RELN: variants seen among roughly 807,000 people sequenced by gnomAD.
The protein encoded by RELN is reelin.
In RELN, 108 loss-of-function variants were observed where a neutral mutation model predicts 427.6. The observed-to-expected ratio is 0.25, with a 90% CI of 0.22 to 0.30. The LOEUF (loss-of-function observed/expected upper bound fraction) is 0.30, where lower values mean the gene tolerates loss of function less well. RELN is among the 10% of genes least tolerant of loss of function. RELN has a pLI of 1.00. For missense variants in RELN, 3,715 were observed against 4,302.8 expected (o/e 0.86, Z 3.82); for synonymous variants, 1,524 against 1,513.4 (o/e 1.01, Z -0.16).
intron 2 of RELN, among the ~76,000 whole-genome samples, chr7:103,902,766 A>G (rs12113457): frequency 0.011 from 1,720 of 152,192 alleles, 40 homozygotes; most frequent in African/African-American, 0.039. Flanking sequence ...ACAGAAGACA[A>G]AAGTGGAAAC....
In RELN at chr7:103,640,720, G is replaced by A; in HGVS notation, c.2003-111C>T. On this transcript the variant is annotated intron_variant, in intron 16 of 64. Transcript: ENST00000428762. The surrounding 1 kb of genome is among the most constrained non-coding windows in gnomAD (Gnocchi z 4.1). ...CCCCTTGTGTGTATGTTGTGTGCAG[G>A]AACCCAGGGTGACATATGGAATGCT... The A allele has an allele frequency of 9.3e-7, 1 of 1,069,950 alleles. No individual in the cohort carries two copies. Among genetic ancestry groups the A allele is most frequent in the South Asian group, 1.3e-5 (1 of 75,004 alleles). The allele number at this position is 1,069,950 out of a possible 1,614,324, so 66.3% of individuals were successfully genotyped here. A position where few individuals can be genotyped will look rare whatever the true frequency, so the allele number is the denominator to read the frequency against.
At chr7:103,682,981 GATAGTAA>G (rs774924333) in intron 10 of RELN, among the ~76,000 whole-genome samples, 54 of 152,124 alleles carry the variant, frequency 3.5e-4, no homozygotes, top group Admixed American at 1.2e-3. Context: ...AAACTTTGGA[GATAGTAA>G]ATGTTAGTTA....
chr7:103,630,349 C>A (rs1832425134), intron 19 of RELN, among the ~76,000 whole-genome samples, 173 bp from the exon 20 acceptor site: 1 of 152,138 alleles, frequency 6.6e-6, no homozygotes, highest in Admixed American at 6.5e-5. Context: ...CAGTCTTCCA[C>A]ACACACCCCA....
At chr7:103,837,060 A>G (rs1230615802) in intron 2 of RELN, among the ~76,000 whole-genome samples, 2 of 152,100 alleles carry the variant, frequency 1.3e-5, no homozygotes, top group African/African-American at 4.8e-5. Context: ...TTTTATTTTC[A>G]CATTGACATC....
chr7:103,890,198 CTT>C (rs5886284), intron 2 of RELN, among the ~76,000 whole-genome samples: 3,941 of 148,500 alleles, frequency 0.027, 156 homozygotes, highest in African/African-American at 0.09. Context: ...GCACTCTGAA[CTT>C]TTTTTTTTTT....
chr7:103,602,424 A>G (rs1831693137), intron 24 of RELN, among the ~76,000 whole-genome samples: 1 of 152,228 alleles, frequency 6.6e-6, no homozygotes, highest in Non-Finnish European at 1.5e-5. Flanking sequence ...AAGACTTGGA[A>G]CCAATCCAAA....
intron 20 of RELN, among the ~76,000 whole-genome samples, chr7:103,628,673 C>T (rs115607351): frequency 6.6e-6 from 1 of 152,182 alleles, no homozygotes; most frequent in Non-Finnish European, 1.5e-5. Context: ...TTATGATATG[C>T]TCTCTGGAGG....
chr7:103,895,514 G>A (rs927571478), intron 2 of RELN, among the ~76,000 whole-genome samples: 2 of 152,062 alleles, frequency 1.3e-5, no homozygotes, highest in Non-Finnish European at 2.9e-5. Context: ...AGCAATTTCA[G>A]TCATTTATAA....
intron 28 of RELN, among the ~76,000 whole-genome samples, chr7:103,581,204 G>T (rs886158308): frequency 6.6e-6 from 1 of 152,144 alleles, no homozygotes; most frequent in Non-Finnish European, 1.5e-5. Context: ...TCTTGTCCTG[G>T]ACATCGTTCT....
chr7:103,519,788 T>C (rs1726394682), intron 48 of RELN, among the ~76,000 whole-genome samples: 1 of 152,140 alleles, frequency 6.6e-6, no homozygotes, highest in Non-Finnish European at 1.5e-5. Flanking sequence ...TTGTCCAGGC[T>C]GGTCTTAACT....
chr7:103,948,342 T>C (rs778537028), intron 1 of RELN, among the ~76,000 whole-genome samples: 14 of 152,176 alleles, frequency 9.2e-5, no homozygotes, highest in Non-Finnish European at 1.9e-4. Flanking sequence ...ATGTCTATTT[T>C]TTTAATTTCC....
At chr7:103,891,691 T>C (rs62482325) in intron 2 of RELN, among the ~76,000 whole-genome samples, 17,492 of 152,190 alleles carry the variant, frequency 0.11, 1,451 homozygotes, top group East Asian at 0.36. Flanking sequence ...CATGCTCCTC[T>C]TCTTCCAGTT....
At chr7:103,598,174 A>G (rs1481318460) in intron 24 of RELN, among the ~76,000 whole-genome samples, 2 of 152,226 alleles carry the variant, frequency 1.3e-5, no homozygotes, top group African/African-American at 4.8e-5. Context: ...TCTAAAGCCA[A>G]TTAAGAGTTT....
At chr7:103,604,707 A>G (rs1831772704) in intron 22 of RELN, among the ~76,000 whole-genome samples, 1 of 152,196 alleles carries the variant, frequency 6.6e-6, no homozygotes, top group South Asian at 2.1e-4. Context: ...TTCAATCTTA[A>G]TTTGAGATGT....
At position 103,729,682 on chromosome 7, in the gene RELN, A is replaced by G. The variant is rs957340630; in HGVS notation, c.657-1475T>C. The stretch of plus-strand genomic sequence containing the variant: ...AGGACAATAAACCTGTCTCTTGTTC[A>G]TCATTTATGGCATGTTCCTTTTGAG... On this transcript the variant is annotated intron_variant, in intron 6 of 64. Transcript: ENST00000428762. Among the ~76,000 whole-genome samples the G allele has an allele frequency of 1.4e-4, 22 of 152,290 alleles. 1 individual carries two copies. The highest frequency in any genetic ancestry group is 5.3e-4 in the African/African-American group (22 of 41,576).
chr7:103,518,583 G>T (rs193037923), intron 49 of RELN, among the ~76,000 whole-genome samples: 42 of 147,210 alleles, frequency 2.9e-4, no homozygotes, highest in Admixed American at 2.0e-3. Context: ...TGATCCTCCT[G>T]CCTTGGCTTC....
At chr7:103,901,330 A>C (rs1481344661) in intron 2 of RELN, among the ~76,000 whole-genome samples, 2 of 152,058 alleles carry the variant, frequency 1.3e-5, no homozygotes, top group Non-Finnish European at 2.9e-5. Flanking sequence ...TACAGTTGCT[A>C]CATGAAGCAG....
intron 10 of RELN, among the ~76,000 whole-genome samples, chr7:103,683,670 T>C (rs539844437): frequency 1.3e-5 from 2 of 152,332 alleles, no homozygotes; most frequent in East Asian, 3.9e-4. Context: ...TATAAAATTA[T>C]GTATGGTACA....
At chr7:103,930,110 C>G (rs1013569504) in intron 1 of RELN, among the ~76,000 whole-genome samples, 1 of 152,152 alleles carries the variant, frequency 6.6e-6, no homozygotes, top group Non-Finnish European at 1.5e-5. Flanking sequence ...AAACAACAGA[C>G]ATTTATTTTT....
Sources: gnomAD v4.1 joint callset for allele counts (sites outside exome capture counted in the v4.1 genomes callset) on GRCh38, gnomAD v4.1.1 for gene constraint, Gnocchi (gnomAD v3.1) non-coding constraint, MANE v1.5 for transcripts, NCBI Gene and HGNC (gene_info 2026-07-23, HGNC 2026-07-21) for gene names.